Variants in GLIS3 observed in about 807,000 individuals in gnomAD.
GLIS3 encodes zinc finger protein GLIS3.
Under a neutral mutation model 78.6 loss-of-function variants are expected in GLIS3, and 53 were observed. The ratio of observed to expected loss-of-function variants is 0.67; its 90% CI spans 0.54 to 0.85. The LOEUF is 0.85. GLIS3 is among the 40% of genes least tolerant of loss of function. GLIS3 has a pLI of 0.00. For missense variants in GLIS3, 1,703 were observed against 1,231.1 expected (o/e 1.38, Z -5.74); for synonymous variants, 684 against 509.9 (o/e 1.34, Z -4.60).
the GLIS3 span, among the ~76,000 whole-genome samples, chr9:4,389,400 T>G: frequency 6.6e-6 from 1 of 152,076 alleles, no homozygotes; most frequent in South Asian, 2.1e-4. Context: ...CCAGAACTCG[T>G]AGGTTGTGAG....
intron 8 of GLIS3, 39 bp from the exon 9 acceptor site, chr9:3,856,223 A>C: frequency 6.4e-7 from 1 of 1,573,334 alleles, no homozygotes; most frequent in Non-Finnish European, 8.7e-7. Context: ...GAGGGACATA[A>C]AACAGCAGGA....
intron 2 of GLIS3, among the ~76,000 whole-genome samples, chr9:4,156,297 A>G (rs189022795): frequency 2.0e-5 from 3 of 152,212 alleles, no homozygotes; most frequent in Admixed American, 6.5e-5. Flanking sequence ...GCCCTTTCCT[A>G]CACGAATTTC....
upstream of GLIS3, among the ~76,000 whole-genome samples, chr9:4,300,316 T>C (rs1389043595): frequency 7.6e-6 from 1 of 131,112 alleles, no homozygotes; most frequent in Admixed American, 8.0e-5. Flanking sequence ...GCCTTCTTCC[T>C]GGCCTTATTT....
chr9:3,863,773 G>A (rs992533372), intron 8 of GLIS3, among the ~76,000 whole-genome samples: 26 of 152,122 alleles, frequency 1.7e-4, no homozygotes, highest in African/African-American at 6.3e-4. Context: ...TTGGGTGTAG[G>A]GAGCGAGTTG....
chr9:4,387,982 C>A, the GLIS3 span, among the ~76,000 whole-genome samples: 1 of 152,104 alleles, frequency 6.6e-6, no homozygotes, highest in African/African-American at 2.4e-5. Context: ...GAGTGAAGGC[C>A]TTCTGGCAAT....
At chr9:3,907,983 A>G (rs1204995664) in intron 6 of GLIS3, among the ~76,000 whole-genome samples, 1 of 152,232 alleles carries the variant, frequency 6.6e-6, no homozygotes, top group Non-Finnish European at 1.5e-5. Flanking sequence ...TGCTTTGCCA[A>G]CTTTGTACAG....
At chr9:3,913,181 G>T (rs1355043545) in intron 6 of GLIS3, among the ~76,000 whole-genome samples, 2 of 152,114 alleles carry the variant, frequency 1.3e-5, no homozygotes, top group Non-Finnish European at 2.9e-5. Flanking sequence ...ATTTTCTTCT[G>T]CCTTTCATTT....
chr9:4,051,404 C>T (rs1157629363), intron 4 of GLIS3, among the ~76,000 whole-genome samples: 5 of 152,128 alleles, frequency 3.3e-5, no homozygotes, highest in South Asian at 2.1e-4. Flanking sequence ...ATAGTCTCAA[C>T]ATTTTCTAAG....
chr9:4,434,528 A>G, the GLIS3 span, among the ~76,000 whole-genome samples: 1 of 152,316 alleles, frequency 6.6e-6, no homozygotes, highest in Admixed American at 6.5e-5. Context: ...GCAGATACCC[A>G]AAGCACGTGA....
intron 4 of GLIS3, among the ~76,000 whole-genome samples, chr9:3,945,722 C>G (rs908419800): frequency 1.1e-4 from 17 of 152,030 alleles, no homozygotes; most frequent in Non-Finnish European, 2.2e-4. Context: ...TTTAGTTTCT[C>G]CAAATGATCT....
At chr9:3,912,154 G>C (rs901122983) in intron 6 of GLIS3, among the ~76,000 whole-genome samples, 2 of 152,112 alleles carry the variant, frequency 1.3e-5, no homozygotes, top group African/African-American at 4.8e-5. Flanking sequence ...AATTACATGA[G>C]GTGACCTAAG....
At chr9:4,392,617 T>A in the GLIS3 span, among the ~76,000 whole-genome samples, 3 of 152,156 alleles carry the variant, frequency 2.0e-5, no homozygotes, top group African/African-American at 7.2e-5. Context: ...GTCCCAGACT[T>A]TAATGTTTTC....
intron 6 of GLIS3, among the ~76,000 whole-genome samples, chr9:3,908,329 C>T (rs1823860699): frequency 6.6e-6 from 1 of 152,208 alleles, no homozygotes; most frequent in South Asian, 2.1e-4. Context: ...CCCTCAGAAA[C>T]TATTAGAATT....
At chr9:4,195,244 G>C (rs780150844) in intron 2 of GLIS3, among the ~76,000 whole-genome samples, 4 of 112,056 alleles carry the variant, frequency 3.6e-5, no homozygotes, top group Non-Finnish European at 5.5e-5. Context: ...GGGAGCCCCT[G>C]TCTGGGCTGG....
the GLIS3 span, among the ~76,000 whole-genome samples, chr9:4,411,993 G>C: frequency 1.3e-5 from 2 of 152,194 alleles, no homozygotes; most frequent in African/African-American, 4.8e-5. Flanking sequence ...ACATTTAAGA[G>C]ACAGCACACA....
chr9:3,858,905 G>A (rs1311332749), intron 8 of GLIS3, among the ~76,000 whole-genome samples: 3 of 152,150 alleles, frequency 2.0e-5, no homozygotes, highest in African/African-American at 4.8e-5. Context: ...TTGTTACTGT[G>A]TAAAAACACC....
At chr9:4,122,290 T>C (rs532686875) in intron 3 of GLIS3, among the ~76,000 whole-genome samples, 1 of 152,150 alleles carries the variant, frequency 6.6e-6, no homozygotes, top group African/African-American at 2.4e-5. Context: ...TATATGTAGA[T>C]CATGAAAAAG....
the GLIS3 span, among the ~76,000 whole-genome samples, chr9:4,431,323 T>C: frequency 3.9e-5 from 6 of 152,348 alleles, no homozygotes; most frequent in East Asian, 1.2e-3. Flanking sequence ...CTTACTTCGC[T>C]CTTGTATTAG....
chr9:4,304,562 T>C (rs930737269), upstream of GLIS3, among the ~76,000 whole-genome samples: 1 of 151,732 alleles, frequency 6.6e-6, no homozygotes, highest in East Asian at 1.9e-4. Flanking sequence ...ATATACTAAA[T>C]AATGGGGAGA....
Sources: allele counts gnomAD v4.1 joint callset (sites outside exome capture counted in the v4.1 genomes callset), GRCh38; gene constraint gnomAD v4.1.1; transcripts MANE v1.5; gene names NCBI Gene and HGNC (gene_info 2026-07-23, HGNC 2026-07-21).